Variants in CD226 observed in about 807,000 individuals in gnomAD.
The protein encoded by CD226 is CD226 antigen.
A neutral mutation model predicts 34.9 loss-of-function variants in CD226; 24 were observed. The observed-to-expected ratio is 0.69, with a 90% CI of 0.50 to 0.97. CD226 has a LOEUF of 0.97. Ranked by LOEUF, CD226 falls within the 50% of genes least tolerant of loss-of-function variation. The pLI, the probability that CD226 is intolerant of heterozygous loss-of-function variation, is 0.00. For synonymous variants in CD226, 148 were observed against 147.4 expected (o/e 1.00, Z -0.03); for missense variants, 397 against 412.7 (o/e 0.96, Z 0.33).
chr18:69,923,910 C>T (rs1018289825), intron 2 of CD226, among the ~76,000 whole-genome samples: 70 of 150,524 alleles, frequency 4.7e-4, no homozygotes, highest in African/African-American at 1.7e-3. Flanking sequence ...GCCGAGATCG[C>T]GCCACTGCAC....
intron 2 of CD226, among the ~76,000 whole-genome samples, chr18:69,943,973 C>CT (rs11350418): frequency 0.037 from 5,055 of 136,912 alleles, 257 homozygotes; most frequent in African/African-American, 0.12. Context: ...GATTCCAAGT[C>CT]TTTTTTTTTT....
intron 2 of CD226, among the ~76,000 whole-genome samples, chr18:69,906,361 A>G (rs2055252827): frequency 6.6e-6 from 1 of 152,236 alleles, no homozygotes; most frequent in Non-Finnish European, 1.5e-5. Flanking sequence ...ACCATTGCTA[A>G]CAGTGTGATT....
Position 69,867,394 on chromosome 18 carries a change from C to T in CD226, c.848G>A (p.Arg283Lys), listed in dbSNP as rs533971919. ...IFLNRRRRRE[R>K]RDLFTESWDT... is the part of the protein sequence containing the mutation. ...CCAGGACTCTGTAAATAGATCTCTT[C>T]TCTCTCTCCTTCTCCTTCTGGAATG... The change falls in exon 5 of 6, where the codon AGA (arginine) becomes AAA (lysine). Residue 283 changes from arginine to lysine, a missense_variant. Coordinates refer to ENST00000582621, the MANE Select transcript of CD226 (RefSeq NM_001303618.2). 10 of 1,533,948 alleles carry T rather than the reference C, an allele frequency of 6.5e-6. No individual in the cohort carries two copies. Among genetic ancestry groups the T allele is most frequent in the Middle Eastern group, 1.7e-4 (1 of 5,946 alleles).
chr18:69,890,369 G>C (rs1984819810), intron 3 of CD226, among the ~76,000 whole-genome samples: 1 of 152,120 alleles, frequency 6.6e-6, no homozygotes, highest in Non-Finnish European at 1.5e-5. Flanking sequence ...GGCTGAGGCA[G>C]GGGATTGCTT....
Position 69,895,776 on chromosome 18 carries a change from C to T in CD226, c.652G>A (p.Gly218Arg). ...VIPDVTVSDSGLYRCYLQASA... is the reference protein window; with the variant it reads ...VIPDVTVSDSRLYRCYLQASA... The stretch of plus-strand genomic sequence containing the variant: ...GCCTGCAAGTAGCAGCGGTAAAGCC[C>T]CGAGTCTGAGACTGTGACATCGGGG... The change falls in exon 3 of 6, where the codon GGG (glycine) becomes AGG (arginine). Residue 218 changes from glycine to arginine, a missense_variant. Gly to Arg is a moderately radical substitution (Grantham distance 125, BLOSUM62 -2). Transcript: ENST00000582621. 1 of 1,614,160 alleles carries T rather than the reference C, an allele frequency of 6.2e-7. No individual in the cohort carries two copies. Among genetic ancestry groups the T allele is most frequent in the Non-Finnish European group, 8.5e-7 (1 of 1,180,044 alleles).
intron 2 of CD226, among the ~76,000 whole-genome samples, chr18:69,909,639 A>G (rs184857742): frequency 6.6e-6 from 1 of 152,366 alleles, no homozygotes; most frequent in East Asian, 1.9e-4. Flanking sequence ...CAGAAAAGCA[A>G]GTAGCCCAGA....
intron 2 of CD226, among the ~76,000 whole-genome samples, chr18:69,899,464 A>T (rs1425133406): frequency 1.3e-5 from 2 of 152,240 alleles, no homozygotes; most frequent in Non-Finnish European, 1.5e-5. Context: ...TAGAGAAGTC[A>T]ATCAATATTT....
rs1000085599 is a variant in CD226 at position 69,866,130 on chromosome 18, G to A, written c.885+1227C>T. ...GCAGAAAGAGGAAGCAAGCTCTTCT[G>A]TCCTTAAAAAGGCACTGATCCCATT... On this transcript the variant is annotated intron_variant, in intron 5 of 5. Coordinates refer to ENST00000582621, the MANE Select transcript of CD226 (RefSeq NM_001303618.2). Among the ~76,000 whole-genome samples, 31 of 152,302 alleles carry A rather than the reference G, an allele frequency of 2.0e-4. 1 individual carries two copies. The highest frequency in any genetic ancestry group is 7.5e-4 in the African/African-American group (31 of 41,566).
At chr18:69,894,098 G>C (rs1233868572) in intron 3 of CD226, among the ~76,000 whole-genome samples, 1 of 151,340 alleles carries the variant, frequency 6.6e-6, no homozygotes, top group Non-Finnish European at 1.5e-5. Flanking sequence ...ATGGAACAGA[G>C]TGAAAGAAGG....
intron 3 of CD226, among the ~76,000 whole-genome samples, chr18:69,891,512 A>C (rs1374928507): frequency 6.6e-6 from 1 of 152,206 alleles, no homozygotes; most frequent in African/African-American, 2.4e-5. Context: ...AAGAAAACAA[A>C]AGGCATTCAA....
Position 69,853,990 on chromosome 18 carries a change from C to T in CD226, c.*10324G>A, listed in dbSNP as rs529462724. Reference sequence around the variant, plus strand: ...TGGAATGGAGTCCAGCAACAGGAACCCTAGTGCAGTATCAGAAAGTCAGGG... The same window carrying T: ...TGGAATGGAGTCCAGCAACAGGAACTCTAGTGCAGTATCAGAAAGTCAGGG... On this transcript the variant is annotated 3_prime_UTR_variant, in exon 6 of 6. Transcript: ENST00000582621. 6.6e-6 allele frequency: 1 copy of T among 152,202 alleles called. No homozygotes were observed. Among genetic ancestry groups the T allele is most frequent in the South Asian group, 2.1e-4 (1 of 4,824 alleles). 9.4% of individuals were successfully genotyped at this position (152,202 alleles called of 1,614,324 possible). A position where few individuals can be genotyped will look rare whatever the true frequency, so the allele number is the denominator to read the frequency against.
At chr18:69,934,279 T>TACACACACACACACAC (rs760259895) in intron 2 of CD226, among the ~76,000 whole-genome samples, 6 of 73,212 alleles carry the variant, frequency 8.2e-5, no homozygotes, top group African/African-American at 1.6e-4. Context: ...ACACAGAGGA[T>TACACACACACACACAC]ACACACACAC....
At chr18:69,923,822 C>T (rs890309370) in intron 2 of CD226, among the ~76,000 whole-genome samples, 6 of 151,470 alleles carry the variant, frequency 4.0e-5, no homozygotes, top group Middle Eastern at 3.2e-3. Context: ...GGCGTAGTGG[C>T]GGGCGCCTGT....
chr18:69,906,835 C>T (rs2055260008), intron 2 of CD226, among the ~76,000 whole-genome samples: 1 of 152,178 alleles, frequency 6.6e-6, no homozygotes, highest in Admixed American at 6.5e-5. Context: ...AGGAGCCGGG[C>T]TTGACTCGGA....
At chr18:69,907,585 C>T (rs1568185868) in intron 2 of CD226, among the ~76,000 whole-genome samples, 1 of 152,212 alleles carries the variant, frequency 6.6e-6, no homozygotes, top group East Asian at 1.9e-4. Context: ...GCTGGGATTA[C>T]AGGTGTGTGC....
chr18:69,959,293 A>T (rs1225404504), upstream of CD226, among the ~76,000 whole-genome samples: 1 of 152,246 alleles, frequency 6.6e-6, no homozygotes, highest in East Asian at 1.9e-4. Flanking sequence ...GCAGTGAGAT[A>T]GAATGAAGAT....
Position 69,863,824 on chromosome 18 carries a change from A to C in CD226, c.*490T>G, listed in dbSNP as rs1395645478. On this transcript the variant is annotated 3_prime_UTR_variant, in exon 6 of 6. Transcript: ENST00000582621. Reference sequence around the variant, plus strand: ...TTGCCTATTTAACAATGAAAAAATAATCAAATTTGTTTGCTCCATTTGAGA... The same window carrying C: ...TTGCCTATTTAACAATGAAAAAATACTCAAATTTGTTTGCTCCATTTGAGA... 6.5e-6 allele frequency: 1 copy of C among 152,708 alleles called. No individual in the cohort carries two copies. Among genetic ancestry groups the C allele is most frequent in the Non-Finnish European group, 1.5e-5 (1 of 68,436 alleles). The allele number at this position is 152,708 out of a possible 1,614,324, so 9.5% of individuals were successfully genotyped here.
rs569906793 is a variant in CD226 at position 69,918,247 on chromosome 18, G to C, written c.383-22202C>G. Among the ~76,000 whole-genome samples the C allele has an allele frequency of 5.7e-4, 87 of 152,326 alleles. 2 individuals are homozygous for C. The South Asian group carries it at 0.018, about 31-fold the overall frequency. ...AATATTTGGTAAGGGCCTAGTACAT[G>C]AGAAGTACTAAAGAAGCTATTAGGG... On this transcript the variant is annotated intron_variant, in intron 2 of 5. Coordinates refer to ENST00000582621, the MANE Select transcript of CD226 (RefSeq NM_001303618.2).
rs1197505837 is a variant in CD226 at position 69,861,870 on chromosome 18, C to T, written c.*2444G>A. The T allele has an allele frequency of 6.6e-6, 1 of 152,022 alleles. No homozygotes were observed. Among genetic ancestry groups the T allele is most frequent in the African/African-American group, 2.4e-5 (1 of 41,406 alleles). The allele number at this position is 152,022 out of a possible 1,614,324, so 9.4% of individuals were successfully genotyped here. On this transcript the variant is annotated 3_prime_UTR_variant, in exon 6 of 6. Transcript: ENST00000582621. ...AATGAATGGAATTTCACAAGCATTA[C>T]CCCTGAGGGTATAACAGGAGCATCA... is the stretch of plus-strand genomic sequence containing the variant.
Sources: gnomAD v4.1 joint callset for allele counts (sites outside exome capture counted in the v4.1 genomes callset) on GRCh38, gnomAD v4.1.1 for gene constraint, MANE v1.5 for transcripts, NCBI Gene and HGNC (gene_info 2026-07-23, HGNC 2026-07-21) for gene names.